UNC13C: variants seen among roughly 807,000 people sequenced by gnomAD.
The protein encoded by UNC13C is protein unc-13 homolog C.
UNC13C carries 174 observed loss-of-function variants against 245.4 expected under a neutral mutation model. The ratio of observed to expected loss-of-function variants is 0.71; its 90% CI spans 0.63 to 0.80. UNC13C has a LOEUF of 0.80. Among genes scored for constraint, UNC13C ranks in the 30% least tolerant of loss-of-function variants. The pLI is 0.00. For missense variants in UNC13C, 2,829 were observed against 2,602.9 expected, an observed-to-expected ratio of 1.09 and a Z score of -1.89; for synonymous variants, 992 against 895.1, an observed-to-expected ratio of 1.11 and a Z score of -1.93.
At chr15:54,196,780 T>C (rs1229790130) in intron 4 of UNC13C, among the ~76,000 whole-genome samples, 3 of 152,156 alleles carry the variant, frequency 2.0e-5, no homozygotes, top group African/African-American at 7.2e-5. Context: ...CCTTCATAAT[T>C]TTTGAGAAAG....
At chr15:53,979,883 T>G (rs1893856461) in intron 1 of UNC13C, among the ~76,000 whole-genome samples, 1 of 152,174 alleles carries the variant, frequency 6.6e-6, no homozygotes, top group Non-Finnish European at 1.5e-5. Context: ...TCATCAATAC[T>G]TTTCATAAAA....
intron 15 of UNC13C, among the ~76,000 whole-genome samples, chr15:54,332,313 G>GTGTGTGTGTGTT (rs2038460136): frequency 6.7e-6 from 1 of 149,782 alleles, no homozygotes; most frequent in African/African-American, 2.5e-5. Flanking sequence ...CTCTGTGTGT[G>GTGTGTGTGTGTT]TGTGTGTGTG....
chr15:53,992,944 C>T (rs1378200537), intron 1 of UNC13C, among the ~76,000 whole-genome samples: 1 of 152,052 alleles, frequency 6.6e-6, no homozygotes, highest in Admixed American at 6.6e-5. Flanking sequence ...CTAATTCATT[C>T]CCTTCTACTG....
the UNC13C span, among the ~76,000 whole-genome samples, chr15:53,915,702 C>A: frequency 4.6e-5 from 7 of 152,178 alleles, no homozygotes; most frequent in Non-Finnish European, 8.8e-5. Flanking sequence ...AATGTTGTAT[C>A]ATATTTTGCT....
At chr15:54,367,158 T>C (rs1479824565) in intron 17 of UNC13C, among the ~76,000 whole-genome samples, 4 of 152,082 alleles carry the variant, frequency 2.6e-5, no homozygotes, top group Non-Finnish European at 4.4e-5. Context: ...GAACAGAAAG[T>C]ACCAATAAAA....
At chr15:54,049,636 C>A in intron 2 of UNC13C, 1 of 252,036 alleles carries the variant, frequency 4.0e-6, no homozygotes, top group East Asian at 1.3e-4. Flanking sequence ...AAACAACATG[C>A]CCAATTCCAC....
chr15:54,172,721 T>TAA lies in UNC13C; in HGVS notation c.3071+29038_3071+29039insAA, dbSNP rs1567067083. Among the ~76,000 whole-genome samples, 144 of 20,712 alleles carry TAA rather than the reference T, an allele frequency of 7.0e-3. 4 individuals carry two copies. Among genetic ancestry groups the TAA allele is most frequent in the South Asian group, 0.038 (32 of 848 alleles). The allele number at this position is 20,712 out of a possible 152,430, so 13.6% of individuals were successfully genotyped here. On this transcript the variant is annotated intron_variant, in intron 4 of 32. Transcript: ENST00000260323. ...ACACACAGATATATATATATATATATATATATATATATATATATATATATA... is the reference window on the plus strand; with the variant it reads ...ACACACAGATATATATATATATATATAAATATATATATATATATATATATATA...
At chr15:54,295,062 T>A (rs2037393560) in intron 11 of UNC13C, among the ~76,000 whole-genome samples, 1 of 152,178 alleles carries the variant, frequency 6.6e-6, no homozygotes, top group Non-Finnish European at 1.5e-5. Context: ...GAAATCTTCC[T>A]TAAAGAAGAT....
chr15:54,297,995 T>G (rs980390171), intron 12 of UNC13C, 69 bp downstream of exon 12: 1 of 1,120,506 alleles, frequency 8.9e-7, no homozygotes, highest in Non-Finnish European at 1.3e-6. Context: ...TAAAACAGAA[T>G]ATTTGGTTTA....
At position 54,274,043 on chromosome 15, in the gene UNC13C, A is replaced by G. The variant is rs527796109; in HGVS notation, c.3818+8547A>G. Among the ~76,000 whole-genome samples the G allele has an allele frequency of 4.6e-5, 7 of 152,248 alleles. No homozygotes were observed. The South Asian group carries it at 1.5e-3, about 32-fold the overall frequency. The stretch of plus-strand genomic sequence containing the variant: ...CACAGTGTTACAGACACTGAGGTAA[A>G]TATGTAAGACACATGATTTTTTTTG... On this transcript the variant is annotated intron_variant, in intron 10 of 32. Transcript: ENST00000260323.
intron 19 of UNC13C, among the ~76,000 whole-genome samples, chr15:54,418,639 CATT>C (rs1344548967): frequency 6.6e-6 from 1 of 152,092 alleles, no homozygotes; most frequent in Middle Eastern, 3.2e-3. Flanking sequence ...GAAATAAACA[CATT>C]ATAATTAAAA....
the UNC13C span, among the ~76,000 whole-genome samples, chr15:53,934,433 A>G: frequency 1.3e-5 from 2 of 152,160 alleles, no homozygotes; most frequent in Admixed American, 1.3e-4. Flanking sequence ...CTAACACTTA[A>G]GCAAATAGTA....
intron 18 of UNC13C, among the ~76,000 whole-genome samples, chr15:54,393,663 A>G (rs2140918163): frequency 6.6e-6 from 1 of 152,044 alleles, no homozygotes. Context: ...ACAAAGTATA[A>G]TCTAAAGTTC....
intron 10 of UNC13C, among the ~76,000 whole-genome samples, chr15:54,289,004 G>A (rs984348901): frequency 2.6e-5 from 4 of 152,042 alleles, no homozygotes; most frequent in Admixed American, 1.3e-4. Flanking sequence ...TTAAAGGATG[G>A]TGCTGGAAAA....
At chr15:53,853,446 T>C in the UNC13C span, among the ~76,000 whole-genome samples, 2 of 152,186 alleles carry the variant, frequency 1.3e-5, no homozygotes, top group Non-Finnish European at 2.9e-5. Flanking sequence ...CTATTGTGAA[T>C]AGTGGGGCAA....
chr15:54,608,750 A>G (rs891223866), intron 30 of UNC13C, among the ~76,000 whole-genome samples: 10 of 152,196 alleles, frequency 6.6e-5, no homozygotes, highest in Non-Finnish European at 1.5e-4. Context: ...TGTTTATTGT[A>G]TCTGCTGGGA....
At chr15:54,381,864 CAG>C (rs2039732214) in intron 17 of UNC13C, among the ~76,000 whole-genome samples, 1 of 152,132 alleles carries the variant, frequency 6.6e-6, no homozygotes, top group Non-Finnish European at 1.5e-5. Flanking sequence ...AGAAAATCAA[CAG>C]AGACATTGGA....
the UNC13C span, among the ~76,000 whole-genome samples, chr15:53,862,608 C>T: frequency 6.6e-6 from 1 of 152,074 alleles, no homozygotes; most frequent in Non-Finnish European, 1.5e-5. Flanking sequence ...CCCAGTTTCT[C>T]CAGTTCTTTA....
At chr15:54,474,739 G>A (rs1248631726) in intron 19 of UNC13C, among the ~76,000 whole-genome samples, 1 of 151,798 alleles carries the variant, frequency 6.6e-6, no homozygotes, top group East Asian at 1.9e-4. Flanking sequence ...AATACCTGAG[G>A]CTGGGTAATT....
Sources: gnomAD v4.1 joint callset for allele counts (sites outside exome capture counted in the v4.1 genomes callset) on GRCh38, gnomAD v4.1.1 for gene constraint, MANE v1.5 for transcripts, NCBI Gene and HGNC (gene_info 2026-07-23, HGNC 2026-07-21) for gene names.